The following PLXDC2 variants were observed in gnomAD, a reference collection of about 807,000 sequenced individuals.
PLXDC2 encodes the protein plexin domain containing 2, also known as plexin domain-containing protein 2.
PLXDC2 carries 40 observed loss-of-function variants against 68.9 expected under a neutral mutation model. That is an observed-to-expected ratio of 0.58 (90% CI 0.45 to 0.76). The LOEUF is 0.76. Ranked by LOEUF, PLXDC2 falls within the 30% of genes least tolerant of loss-of-function variation. PLXDC2 has a pLI of 0.00. For synonymous variants in PLXDC2, 243 were observed against 234.2 expected, an observed-to-expected ratio of 1.04 and a Z score of -0.34; for missense variants, 644 against 661.9, an observed-to-expected ratio of 0.97 and a Z score of 0.30.
At chr10:19,878,302 AG>A (rs747880120) in intron 1 of PLXDC2, among the ~76,000 whole-genome samples, 173 of 152,190 alleles carry the variant, frequency 1.1e-3, no homozygotes, top group Non-Finnish European at 1.8e-3. Context: ...CCTGGGCCCA[AG>A]TGATCCTCCT....
chr10:20,130,408 T>A (rs1833851598), intron 4 of PLXDC2, among the ~76,000 whole-genome samples: 1 of 152,046 alleles, frequency 6.6e-6, no homozygotes, highest in Non-Finnish European at 1.5e-5. Flanking sequence ...TTTGGAGGAG[T>A]TTTAAGGGTT....
At chr10:20,127,054 G>T (rs1415516215) in intron 4 of PLXDC2, among the ~76,000 whole-genome samples, 2 of 151,704 alleles carry the variant, frequency 1.3e-5, no homozygotes, top group South Asian at 2.1e-4. Context: ...AGCATCTAAA[G>T]AAATTATTGG....
chr10:19,829,254 G>A (rs892808834), intron 1 of PLXDC2, among the ~76,000 whole-genome samples: 2 of 131,372 alleles, frequency 1.5e-5, no homozygotes, highest in African/African-American at 5.8e-5. Flanking sequence ...GTAATTACTT[G>A]TGCCTGCATT....
chr10:20,155,258 A>C (rs1173711391), intron 6 of PLXDC2, among the ~76,000 whole-genome samples: 2 of 152,248 alleles, frequency 1.3e-5, no homozygotes, highest in South Asian at 4.1e-4. Context: ...AAGTATTGAA[A>C]GATGAACATT....
chr10:20,242,296 A>G (rs1321276798), intron 12 of PLXDC2, among the ~76,000 whole-genome samples: 1 of 152,186 alleles, frequency 6.6e-6, no homozygotes, highest in East Asian at 1.9e-4. Context: ...TGTGAATCTG[A>G]CTGTGTAATT....
chr10:20,066,490 G>C (rs1047540022), intron 3 of PLXDC2, among the ~76,000 whole-genome samples: 3 of 152,142 alleles, frequency 2.0e-5, no homozygotes, highest in Non-Finnish European at 4.4e-5. Context: ...AATATAATAA[G>C]CAAGTGCTTT....
chr10:20,019,685 A>T (rs1315776720), intron 2 of PLXDC2, among the ~76,000 whole-genome samples: 1 of 152,194 alleles, frequency 6.6e-6, no homozygotes, highest in East Asian at 1.9e-4. Context: ...GAAAGTGGCC[A>T]TCTGAAGACC....
At chr10:19,886,833 G>A (rs1837855813) in intron 1 of PLXDC2, among the ~76,000 whole-genome samples, 2 of 152,262 alleles carry the variant, frequency 1.3e-5, no homozygotes, top group South Asian at 4.2e-4. Context: ...AAAAAACTTA[G>A]AAGAGTCACA....
chr10:20,166,721 C>A (rs1317296437), intron 7 of PLXDC2, among the ~76,000 whole-genome samples: 1 of 151,908 alleles, frequency 6.6e-6, no homozygotes. Flanking sequence ...AAAACACCAA[C>A]CAAAATACAA....
At chr10:19,968,532 C>T (rs1363134032) in intron 1 of PLXDC2, among the ~76,000 whole-genome samples, 1 of 152,032 alleles carries the variant, frequency 6.6e-6, no homozygotes, top group Non-Finnish European at 1.5e-5. Context: ...CAGCTGGTCT[C>T]GAACTCCTGG....
intron 9 of PLXDC2, among the ~76,000 whole-genome samples, chr10:20,206,708 A>G (rs893839137): frequency 6.6e-6 from 1 of 152,076 alleles, no homozygotes; most frequent in Non-Finnish European, 1.5e-5. Context: ...AGAGAATCTT[A>G]CTCAGTTAGA....
At chr10:20,228,667 A>T (rs1835318860) in intron 12 of PLXDC2, among the ~76,000 whole-genome samples, 1 of 150,934 alleles carries the variant, frequency 6.6e-6, no homozygotes. Flanking sequence ...GGAAAGAAGG[A>T]AGCAGGAAGG....
chr10:19,974,303 T>C (rs1834412428), intron 1 of PLXDC2, among the ~76,000 whole-genome samples: 1 of 152,248 alleles, frequency 6.6e-6, no homozygotes, highest in African/African-American at 2.4e-5. Context: ...TGCTGGATCC[T>C]CATTGGACCA....
rs60761147 is a variant in PLXDC2, at chr10:20,100,888, TA to T, written c.541+32660del. On this transcript the variant is annotated intron_variant, in intron 4 of 13. Coordinates refer to ENST00000377252, the MANE Select transcript of PLXDC2 (RefSeq NM_032812.9). ...TAATCATATCTACCCATGCTAAAAT[TA>T]AAAAAAAAAATTAACAGCACGTTGT... Among the ~76,000 whole-genome samples the T allele has an allele frequency of 6.4e-3, 953 of 149,112 alleles. 6 individuals carry two copies. Among genetic ancestry groups the T allele is most frequent in the African/African-American group, 0.02 (799 of 40,814 alleles).
chr10:20,191,597 A>C (rs1008834942), intron 9 of PLXDC2, among the ~76,000 whole-genome samples: 3 of 148,036 alleles, frequency 2.0e-5, no homozygotes, highest in African/African-American at 7.4e-5. Flanking sequence ...CTGATTTTAA[A>C]TCACAGGGGC....
intron 1 of PLXDC2, among the ~76,000 whole-genome samples, chr10:19,952,071 G>T (rs908197695): frequency 8.5e-5 from 13 of 152,050 alleles, no homozygotes; most frequent in African/African-American, 3.1e-4. Context: ...GACAAAATCA[G>T]TCATACCCCA....
intron 1 of PLXDC2, among the ~76,000 whole-genome samples, chr10:19,890,584 C>A (rs1348675480): frequency 1.4e-5 from 2 of 143,248 alleles, no homozygotes; most frequent in Non-Finnish European, 3.0e-5. Context: ...ACCGCGTTAG[C>A]CAGGATGGTC....
intron 4 of PLXDC2, among the ~76,000 whole-genome samples, chr10:20,095,781 T>C (rs1833341826): frequency 6.6e-6 from 1 of 152,038 alleles, no homozygotes; most frequent in East Asian, 1.9e-4. Flanking sequence ...TGGTGGTAGT[T>C]TGGAGTGGAT....
chr10:20,206,583 G>T (rs1834996021), intron 9 of PLXDC2, among the ~76,000 whole-genome samples: 1 of 152,136 alleles, frequency 6.6e-6, no homozygotes, highest in Non-Finnish European at 1.5e-5. Flanking sequence ...ATGGGTTGTA[G>T]AGCATGGGCT....
Sources: gnomAD v4.1 joint callset for allele counts (sites outside exome capture counted in the v4.1 genomes callset) on GRCh38, gnomAD v4.1.1 for gene constraint, MANE v1.5 for transcripts, NCBI Gene and HGNC (gene_info 2026-07-23, HGNC 2026-07-21) for gene names.